RHOT1: variants seen among roughly 807,000 people sequenced by gnomAD.
RHOT1 encodes the protein mitochondrial Rho GTPase 1.
Under a neutral mutation model 95.3 loss-of-function variants are expected in RHOT1, and 27 were observed. The observed-to-expected ratio is 0.28, with a 90% CI of 0.21 to 0.39. The LOEUF (loss-of-function observed/expected upper bound fraction) is 0.39. Ranked by LOEUF, RHOT1 falls within the 10% of genes least tolerant of loss-of-function variation. The pLI is 1.00. For missense variants in RHOT1, 578 were observed against 786.7 expected (o/e 0.73, Z 3.17); for synonymous variants, 227 against 263.5 (o/e 0.86, Z 1.34).
intron 1 of RHOT1, among the ~76,000 whole-genome samples, chr17:32,145,604 A>AT (rs1452822411): frequency 6.6e-6 from 1 of 152,094 alleles, no homozygotes; most frequent in Non-Finnish European, 1.5e-5. Flanking sequence ...GAGCAGGCAG[A>AT]TTCATTTTTA....
intron 1 of RHOT1, among the ~76,000 whole-genome samples, chr17:32,170,567 C>G (rs2034495862): frequency 6.6e-6 from 1 of 152,174 alleles, no homozygotes; most frequent in Non-Finnish European, 1.5e-5. Context: ...GTAACCATCA[C>G]CACTATCTGT....
At chr17:32,220,234 C>A (rs2038743710) in intron 19 of RHOT1, among the ~76,000 whole-genome samples, 1 of 152,094 alleles carries the variant, frequency 6.6e-6, no homozygotes. Context: ...TGATGGCACA[C>A]ACCTGTAGTC....
chr17:32,182,682 G>A, intron 6 of RHOT1, 75 bp from the exon 7 acceptor site: 1 of 866,284 alleles, frequency 1.2e-6, no homozygotes, highest in East Asian at 2.6e-5. Flanking sequence ...TAGTTAGAAT[G>A]GGTTATGATA....
At chr17:32,154,953 G>A (rs1391400390) in intron 1 of RHOT1, among the ~76,000 whole-genome samples, 1 of 151,590 alleles carries the variant, frequency 6.6e-6, no homozygotes, top group Admixed American at 6.6e-5. Context: ...ACGGAGTGGT[G>A]TGTGCCTGTG....
At chr17:32,193,869 A>G in intron 10 of RHOT1, 118 bp from the exon 11 acceptor site, 1 of 1,289,738 alleles carries the variant, frequency 7.8e-7, no homozygotes, top group Non-Finnish European at 1.1e-6. Flanking sequence ...TTTTGTTTTG[A>G]GCTTTACAAT....
At chr17:32,148,412 G>C (rs8069167) in intron 1 of RHOT1, among the ~76,000 whole-genome samples, 2 of 152,202 alleles carry the variant, frequency 1.3e-5, no homozygotes, top group Non-Finnish European at 2.9e-5. Flanking sequence ...TATTCTGTTC[G>C]TACAGAGTCC....
At chr17:32,187,848 T>C (rs6505287) in intron 8 of RHOT1, among the ~76,000 whole-genome samples, 79,228 of 152,090 alleles carry the variant, frequency 0.52, 22,284 homozygotes, top group African/African-American at 0.74. Flanking sequence ...GGATTACAGG[T>C]GTGAACCACT....
At chr17:32,182,112 A>G (rs892984611) in intron 6 of RHOT1, among the ~76,000 whole-genome samples, 3 of 152,024 alleles carry the variant, frequency 2.0e-5, no homozygotes, top group Non-Finnish European at 4.4e-5. Flanking sequence ...CCACTACTCT[A>G]TCCCCCTATT....
At chr17:32,214,681 A>G (rs371843218) in intron 19 of RHOT1, among the ~76,000 whole-genome samples, 16 of 152,278 alleles carry the variant, frequency 1.1e-4, no homozygotes, top group Middle Eastern at 3.4e-3. Context: ...CTGGTTGGTC[A>G]CTATTGGTTT....
chr17:32,151,110 C>T lies in RHOT1; in HGVS notation c.37+8381C>T. ...AAACAGCCAGGTTATCATCTCACAT[C>T]CTCTCCAATTTACCATGACACTGGG... On this transcript the variant is annotated intron_variant, in intron 1 of 19. Coordinates refer to ENST00000545287, the MANE Select transcript of RHOT1 (RefSeq NM_001033566.3). 3 of 909,466 alleles carry T rather than the reference C, an allele frequency of 3.3e-6. No individual in the cohort carries two copies. In the South Asian group the frequency reaches 3.9e-5, roughly 12 times the overall value. 56.3% of individuals were successfully genotyped at this position (909,466 alleles called of 1,614,324 possible). A position where few individuals can be genotyped will look rare whatever the true frequency, so the allele number is the denominator to read the frequency against.
chr17:32,186,587 G>A (rs1445477770), intron 8 of RHOT1, among the ~76,000 whole-genome samples: 1 of 151,982 alleles, frequency 6.6e-6, no homozygotes, highest in Non-Finnish European at 1.5e-5. Context: ...GGATGGTCTT[G>A]ATCTCCTGAC....
chr17:32,183,607 A>G (rs1479300070), intron 8 of RHOT1, among the ~76,000 whole-genome samples: 2 of 152,260 alleles, frequency 1.3e-5, no homozygotes, highest in African/African-American at 4.8e-5. Context: ...ACTGAAAAAC[A>G]CACACAAATA....
chr17:32,214,340 G>A (rs745681666), intron 19 of RHOT1, among the ~76,000 whole-genome samples: 1 of 152,160 alleles, frequency 6.6e-6, no homozygotes, highest in Non-Finnish European at 1.5e-5. Flanking sequence ...GTGTTGCCAG[G>A]TTTTCTGGTT....
At chr17:32,224,514 AC>A in intron 19 of RHOT1, 101 bp from the exon 20 acceptor site, 1 of 686,522 alleles carries the variant, frequency 1.5e-6, no homozygotes, top group Non-Finnish European at 2.5e-6. Context: ...AGTTAGCTTG[AC>A]AAGTGTGCTA....
At chr17:32,176,982 C>T (rs536774780) in intron 6 of RHOT1, among the ~76,000 whole-genome samples, 3 of 152,244 alleles carry the variant, frequency 2.0e-5, no homozygotes, top group African/African-American at 2.4e-5. Context: ...TGCCTTGAAA[C>T]GCTAAAGATC....
intron 19 of RHOT1, chr17:32,221,179 C>G (rs936733135): frequency 1.5e-5 from 4 of 262,532 alleles, no homozygotes; most frequent in Non-Finnish European, 2.4e-5. Flanking sequence ...ACCATCGTGG[C>G]CAACACGGTA....
In RHOT1 at chr17:32,224,672, G is replaced by A; in HGVS notation, c.1919G>A (p.Gly640Asp). ...SSTFWLRASF[G>D]ATVFAVLGFA... is the part of the protein sequence containing the mutation. Reference sequence around the variant, plus strand: ...ACGTTTTGGCTTCGAGCAAGTTTTGGTGCTACTGTTTTTGCAGTTTTGGGC... The same window carrying A: ...ACGTTTTGGCTTCGAGCAAGTTTTGATGCTACTGTTTTTGCAGTTTTGGGC... The change falls in exon 20 of 20, where the codon GGT (glycine) becomes GAT (aspartate). Residue 640 changes from glycine (G) to aspartate (D), a missense_variant. Physicochemically the swap from Gly to Asp is moderately conservative, Grantham distance 94. Around this residue, in one of 4 missense-constraint regions of RHOT1, gnomAD observed 296 missense variants for 338.5 expected, o/e 0.87. Coordinates refer to ENST00000545287, the MANE Select transcript of RHOT1 (RefSeq NM_001033566.3). The A allele has an allele frequency of 6.2e-7, 1 of 1,613,604 alleles. No individual in the cohort carries two copies. The highest frequency in any genetic ancestry group is 2.2e-5 in the East Asian group (1 of 44,832).
intron 15 of RHOT1, among the ~76,000 whole-genome samples, chr17:32,203,275 T>C (rs111921854): frequency 3.8e-5 from 4 of 104,198 alleles, no homozygotes; most frequent in African/African-American, 8.9e-5. Flanking sequence ...TCTTCTTTTT[T>C]TTTTTTTTTT....
chr17:32,189,819 G>T (rs1338292889), intron 8 of RHOT1, among the ~76,000 whole-genome samples: 31 of 135,986 alleles, frequency 2.3e-4, no homozygotes, highest in African/African-American at 8.8e-4. Flanking sequence ...TGCAACCTCC[G>T]CCTCCCAGGT....
Sources: gnomAD v4.1 joint callset for allele counts (sites outside exome capture counted in the v4.1 genomes callset) on GRCh38, gnomAD v4.1.1 for gene constraint, gnomAD v4.1.1 regional missense constraint, MANE v1.5 for transcripts, NCBI Gene and HGNC (gene_info 2026-07-23, HGNC 2026-07-21) for gene names.